MBTD1: variants seen among roughly 807,000 people sequenced by gnomAD.
MBTD1 encodes mbt domain containing 1, also known as MBT domain-containing protein 1.
MBTD1 carries 24 observed loss-of-function variants against 87.8 expected under a neutral mutation model. The observed-to-expected ratio is 0.27, with a 90% CI of 0.20 to 0.38. The LOEUF is 0.38. MBTD1 is among the 10% of genes least tolerant of loss of function. The probability of loss-of-function intolerance (pLI) is 1.00; values close to 1 mark genes in which losing one functional copy is unlikely to be tolerated. For synonymous variants in MBTD1, 237 were observed against 248.6 expected (o/e 0.95, Z 0.44); for missense variants, 436 against 760.2 (o/e 0.57, Z 5.02).
Position 51,192,865 on chromosome 17 carries a change from C to T in MBTD1, c.1607G>A (p.Trp536Ter). The T allele has an allele frequency of 6.2e-7, 1 of 1,614,142 alleles. No individual in the cohort carries two copies. ...GAGGTCAGGTGACTCACAGTCTACC[C>T]ACTGATCATACTCTTCTTCCCATCC... ...FDGWEEEYDQ[W>*]VDCESPDLYP... Residue 536 changes from tryptophan to a stop codon, truncating the protein, a stop_gained, in exon 15 of 17, where the codon TGG becomes TAG. Coordinates refer to ENST00000586178, the MANE Select transcript of MBTD1 (RefSeq NM_017643.3). LOFTEE classifies it high-confidence loss of function.
In MBTD1 at chr17:51,178,280, T is replaced by C. The variant is rs969692101; in HGVS notation, c.*2296A>G. ...GTGAACAATGAAAGAGGGCTTTAGG[T>C]TGTGTTCAGACTGTAGAAAAGTCCT... On this transcript the variant is annotated 3_prime_UTR_variant, in exon 17 of 17. Coordinates refer to ENST00000586178, the MANE Select transcript of MBTD1 (RefSeq NM_017643.3). 6.6e-6 allele frequency: 1 copy of C among 152,206 alleles called. No homozygotes were observed. The highest frequency in any genetic ancestry group is 1.5e-5 in the Non-Finnish European group (1 of 68,050). 9.4% of individuals were successfully genotyped at this position (152,206 alleles called of 1,614,324 possible). A position where few individuals can be genotyped will look rare whatever the true frequency, so the allele number is the denominator to read the frequency against.
At chr17:51,198,185 T>C (rs975642768) in intron 12 of MBTD1, among the ~76,000 whole-genome samples, 1 of 152,234 alleles carries the variant, frequency 6.6e-6, no homozygotes, top group Non-Finnish European at 1.5e-5. Context: ...AACTTGCCAT[T>C]AATCTCTGTC....
chr17:51,255,618 C>T (rs1193661122), intron 2 of MBTD1, among the ~76,000 whole-genome samples: 3 of 142,370 alleles, frequency 2.1e-5, no homozygotes, highest in Admixed American at 7.1e-5. Flanking sequence ...TTTTTTGAGA[C>T]GGAGTCTCAC....
intron 16 of MBTD1, among the ~76,000 whole-genome samples, chr17:51,182,962 T>A (rs1371340334): frequency 6.6e-6 from 1 of 152,094 alleles, no homozygotes; most frequent in Non-Finnish European, 1.5e-5. Context: ...CATGTCTTTA[T>A]TTTTTTAGTA....
intron 2 of MBTD1, among the ~76,000 whole-genome samples, chr17:51,249,138 T>C (rs1431760419): frequency 2.7e-5 from 4 of 147,704 alleles, no homozygotes; most frequent in Non-Finnish European, 4.5e-5. Flanking sequence ...TGTGCACCTG[T>C]GGTCTCAGCT....
chr17:51,244,440 C>T (rs913536459), intron 2 of MBTD1, among the ~76,000 whole-genome samples: 2 of 152,094 alleles, frequency 1.3e-5, no homozygotes, highest in African/African-American at 4.8e-5. Context: ...TTTCCTGAGA[C>T]AGTCTCCCCT....
rs1160098195 is a variant in MBTD1 at position 51,179,357 on chromosome 17, C to A, written c.*1219G>T. 1.3e-5 allele frequency: 2 copies of A among 148,664 alleles called. No individual in the cohort carries two copies. The highest frequency in any genetic ancestry group is 3.0e-5 in the Non-Finnish European group (2 of 67,264). 9.2% of individuals were successfully genotyped at this position (148,664 alleles called of 1,614,324 possible). ...GAAAATGCAGAGAGCAAACCTTTCA[C>A]CAGTTTACCCTTGTATCCTTTTTTT... On this transcript the variant is annotated 3_prime_UTR_variant, in exon 17 of 17. Coordinates refer to ENST00000586178, the MANE Select transcript of MBTD1 (RefSeq NM_017643.3).
intron 2 of MBTD1, among the ~76,000 whole-genome samples, chr17:51,248,188 A>C (rs1036013204): frequency 6.6e-6 from 1 of 152,218 alleles, no homozygotes; most frequent in African/African-American, 2.4e-5. Context: ...AGATTGGTTC[A>C]TCAACTAGAC....
At chr17:51,222,997 G>A (rs1044934790) in intron 3 of MBTD1, among the ~76,000 whole-genome samples, 11 of 151,568 alleles carry the variant, frequency 7.3e-5, no homozygotes, top group East Asian at 4.0e-4. Context: ...GCAGAGACGG[G>A]GTTTCACCAT....
chr17:51,249,409 G>T (rs145011884), intron 2 of MBTD1, among the ~76,000 whole-genome samples: 76 of 152,218 alleles, frequency 5.0e-4, no homozygotes, highest in Non-Finnish European at 9.6e-4. Flanking sequence ...ACTTCATATA[G>T]ATTTTGCTTT....
chr17:51,249,013 G>A (rs2054614094), intron 2 of MBTD1, among the ~76,000 whole-genome samples: 1 of 152,126 alleles, frequency 6.6e-6, no homozygotes, highest in African/African-American at 2.4e-5. Flanking sequence ...CACTATGGGA[G>A]GCCAAGGCAG....
intron 2 of MBTD1, among the ~76,000 whole-genome samples, chr17:51,237,295 CAAAAAAA>C (rs368805446): frequency 1.8e-4 from 11 of 60,464 alleles, no homozygotes; most frequent in African/African-American, 3.9e-4. Flanking sequence ...GACTCCATCT[CAAAAAAA>C]AAAAAAAAAA....
At chr17:51,201,792 TCCTA>T (rs1343337697) in intron 11 of MBTD1, 96 bp from the exon 12 acceptor site, 7 of 860,526 alleles carry the variant, frequency 8.1e-6, no homozygotes, top group Admixed American at 2.1e-5. Flanking sequence ...AGGTGCCTTC[TCCTA>T]CCTACCTAAT....
rs182524793 is a variant in MBTD1 at position 51,243,329 on chromosome 17, T to C, written c.-49+15814A>G. Among the ~76,000 whole-genome samples the C allele has an allele frequency of 5.4e-3, 814 of 152,104 alleles. 4 individuals are homozygous for C. The highest frequency in any genetic ancestry group is 0.014 in the Middle Eastern group (4 of 292). On this transcript the variant is annotated intron_variant, in intron 2 of 16. Transcript: ENST00000586178. ...TAAGCTCTCTATTTGGAAGTAACTT[T>C]GAACTTTCAGGAAAGTTAGAAGAAT...
Position 51,201,622 on chromosome 17 carries a change from A to G in MBTD1, c.1194T>C (p.Leu398=). Residue 398 remains leucine (L), a synonymous_variant, in exon 12 of 17, where the codon CTT becomes CTC. Transcript: ENST00000586178. ...MKLEAIDPLN[L]STICVATIRK... Reference sequence around the variant, plus strand: ...TAATGGTTGCGACACATATTGTAGAAAGATTTAATGGGTCTATAGCTTCCA... The same window carrying G: ...TAATGGTTGCGACACATATTGTAGAGAGATTTAATGGGTCTATAGCTTCCA... 6.2e-7 allele frequency: 1 copy of G among 1,609,582 alleles called. No individual in the cohort carries two copies. The highest frequency in any genetic ancestry group is 8.5e-7 in the Non-Finnish European group (1 of 1,177,732).
At chr17:51,255,183 A>G (rs2055012947) in intron 2 of MBTD1, among the ~76,000 whole-genome samples, 1 of 152,128 alleles carries the variant, frequency 6.6e-6, no homozygotes, top group Non-Finnish European at 1.5e-5. Context: ...CGGGAGGCTG[A>G]GGCAGAAGAA....
At position 51,190,721 on chromosome 17, in the gene MBTD1, C is replaced by CAAA. The variant is rs1165717944; in HGVS notation, c.1768+1479_1768+1481dup. On this transcript the variant is annotated intron_variant, in intron 16 of 16. Transcript: ENST00000586178. ...TGGGCGACAGACTGAGACTCTGTCT[C>CAAA]AAAAAAAAAAAAAAAAAAAAAAAAA... is the stretch of plus-strand genomic sequence containing the variant. Among the ~76,000 whole-genome samples, 70 of 35,162 alleles carry CAAA rather than the reference C, an allele frequency of 2.0e-3. 3 individuals carry two copies. Among genetic ancestry groups the CAAA allele is most frequent in the African/African-American group, 5.4e-3 (29 of 5,398 alleles). The allele number at this position is 35,162 out of a possible 152,430, so 23.1% of individuals were successfully genotyped here.
intron 2 of MBTD1, among the ~76,000 whole-genome samples, chr17:51,225,496 C>T (rs1568204424): frequency 6.6e-6 from 1 of 151,598 alleles, no homozygotes; most frequent in East Asian, 1.9e-4. Context: ...GGACTACAGG[C>T]AAGTGCCACC....
chr17:51,254,373 C>T (rs2054961881), intron 2 of MBTD1, among the ~76,000 whole-genome samples: 1 of 152,154 alleles, frequency 6.6e-6, no homozygotes, highest in South Asian at 2.1e-4. Flanking sequence ...TTTGGGATTA[C>T]TGAGTTTTTA....
Sources: gnomAD v4.1 joint callset for allele counts (sites outside exome capture counted in the v4.1 genomes callset) on GRCh38, gnomAD v4.1.1 for gene constraint, MANE v1.5 for transcripts, NCBI Gene and HGNC (gene_info 2026-07-23, HGNC 2026-07-21) for gene names.